Variants in THSD4 observed in about 807,000 individuals in gnomAD.
The protein encoded by THSD4 is thrombospondin type-1 domain-containing protein 4.
THSD4 carries 69 observed loss-of-function variants against 119.0 expected under a neutral mutation model. That is an observed-to-expected ratio of 0.58 (90% confidence interval 0.48 to 0.71). THSD4 has a LOEUF of 0.71. THSD4 is among the 30% of genes least tolerant of loss of function. The pLI, the probability that THSD4 is intolerant of heterozygous loss-of-function variation, is 0.00. For synonymous variants in THSD4, 524 were observed against 540.4 expected, an observed-to-expected ratio of 0.97 and a Z score of 0.42; for missense variants, 1,393 against 1,391.1, an observed-to-expected ratio of 1.00 and a Z score of -0.02.
At chr15:71,238,237 T>C (rs1419523071) in intron 4 of THSD4, among the ~76,000 whole-genome samples, 1 of 152,154 alleles carries the variant, frequency 6.6e-6, no homozygotes, top group Admixed American at 6.5e-5. Flanking sequence ...AAAAAATGCA[T>C]TTCTATCAGT....
intron 7 of THSD4, among the ~76,000 whole-genome samples, chr15:71,426,964 A>G (rs1205110643): frequency 6.6e-6 from 1 of 152,200 alleles, no homozygotes; most frequent in Non-Finnish European, 1.5e-5. Context: ...AGAAATAATC[A>G]TGAATAGGAT....
chr15:71,137,347 C>A (rs1421239111), intron 1 of THSD4, among the ~76,000 whole-genome samples: 1 of 152,126 alleles, frequency 6.6e-6, no homozygotes, highest in African/African-American at 2.4e-5. Context: ...CTGGCGCCAC[C>A]TTTCAGGGCC....
intron 3 of THSD4, among the ~76,000 whole-genome samples, chr15:71,204,401 G>A (rs1031553327): frequency 2.0e-5 from 3 of 152,204 alleles, no homozygotes; most frequent in Non-Finnish European, 4.4e-5. Flanking sequence ...TGTGCTCAGA[G>A]CCTCTTTGCT....
chr15:71,489,124 C>G lies in THSD4; in HGVS notation c.1152+77301C>G, dbSNP rs569117062. ...CATAGGAACAATATTCTCAGAGTTC[C>G]TGAATATTAAAAATTATTCTCCTGT... is the stretch of plus-strand genomic sequence containing the variant. On this transcript the variant is annotated intron_variant, in intron 7 of 17. Coordinates refer to ENST00000261862, the MANE Select transcript of THSD4 (RefSeq NM_024817.3). Among the ~76,000 whole-genome samples, 6 of 152,178 alleles carry G rather than the reference C, an allele frequency of 3.9e-5. No homozygotes were observed. The South Asian group carries it at 1.0e-3, about 26-fold the overall frequency.
chr15:71,431,984 A>G (rs2046948433), intron 7 of THSD4, among the ~76,000 whole-genome samples: 2 of 152,166 alleles, frequency 1.3e-5, no homozygotes, highest in Admixed American at 1.3e-4. Context: ...TTAACATCCA[A>G]GATGGAGTCA....
intron 6 of THSD4, among the ~76,000 whole-genome samples, chr15:71,378,299 C>T (rs2046178284): frequency 6.6e-6 from 1 of 152,168 alleles, no homozygotes; most frequent in African/African-American, 2.4e-5. Flanking sequence ...GATGCCTTCA[C>T]TATTCTTGTA....
At chr15:71,181,394 A>G (rs1406350679) in intron 3 of THSD4, among the ~76,000 whole-genome samples, 1 of 152,218 alleles carries the variant, frequency 6.6e-6, no homozygotes, top group Non-Finnish European at 1.5e-5. Flanking sequence ...AATAAGCTTA[A>G]AACTTTGTGT....
chr15:71,463,742 GTTA>G (rs1389320492), intron 7 of THSD4, among the ~76,000 whole-genome samples: 1 of 152,150 alleles, frequency 6.6e-6, no homozygotes, highest in Non-Finnish European at 1.5e-5. Context: ...TCTTACAAGT[GTTA>G]TTATCCTGAT....
At chr15:71,752,110 C>CT (rs1388754628) in intron 14 of THSD4, among the ~76,000 whole-genome samples, 1 of 152,156 alleles carries the variant, frequency 6.6e-6, no homozygotes, top group East Asian at 1.9e-4. Context: ...AATTCCATGT[C>CT]TCTACATTTG....
chr15:71,572,876 C>T (rs897148560), intron 7 of THSD4, among the ~76,000 whole-genome samples: 2 of 152,020 alleles, frequency 1.3e-5, no homozygotes, highest in Non-Finnish European at 2.9e-5. Flanking sequence ...AGAAAGGGAG[C>T]CTGGCAGGGT....
chr15:71,619,484 G>A (rs1443483004), intron 7 of THSD4, among the ~76,000 whole-genome samples: 1 of 152,142 alleles, frequency 6.6e-6, no homozygotes, highest in African/African-American at 2.4e-5. Flanking sequence ...AGTTACGTTT[G>A]AGCAAATTTG....
Position 71,097,730 on chromosome 15 carries a change from T to TATA in THSD4, c.-80+724_-80+725insATA, listed in dbSNP as rs1567126097. 5.4e-3 allele frequency among the ~76,000 whole-genome samples: 645 copies of TATA among 118,882 alleles called. 2 individuals are homozygous for TATA. The highest frequency in any genetic ancestry group is 0.024 in the Middle Eastern group (6 of 248). The allele number at this position is 118,882 out of a possible 152,430, so 78.0% of individuals were successfully genotyped here. On this transcript the variant is annotated intron_variant, in intron 1 of 17. Coordinates refer to the THSD4 transcript ENST00000355327. Reference sequence around the variant, plus strand: ...GATGTATATATATATATATATATATTTTTTTTTTTAAGTCCAAAGCAAACT... The same window carrying TATA: ...GATGTATATATATATATATATATATTATATTTTTTTTTAAGTCCAAAGCAAACT...
At chr15:71,224,343 G>A (rs1195738112) in intron 4 of THSD4, among the ~76,000 whole-genome samples, 1 of 152,186 alleles carries the variant, frequency 6.6e-6, no homozygotes, top group Non-Finnish European at 1.5e-5. Context: ...GAGTAAGACA[G>A]TCCCTATAAA....
At chr15:71,619,885 C>T (rs1002060911) in intron 7 of THSD4, among the ~76,000 whole-genome samples, 3 of 152,182 alleles carry the variant, frequency 2.0e-5, no homozygotes, top group African/African-American at 7.2e-5. Flanking sequence ...CGTTGTTTAA[C>T]TATTTCTTAA....
chr15:71,234,398 C>T (rs201241920), intron 4 of THSD4, among the ~76,000 whole-genome samples: 1 of 152,136 alleles, frequency 6.6e-6, no homozygotes, highest in African/African-American at 2.4e-5. Flanking sequence ...CTCCACCTCC[C>T]GGTTCAAGCA....
At chr15:71,461,138 G>A (rs574913711) in intron 7 of THSD4, among the ~76,000 whole-genome samples, 1 of 152,270 alleles carries the variant, frequency 6.6e-6, no homozygotes, top group African/African-American at 2.4e-5. Flanking sequence ...ATGTTAGTTG[G>A]GTCTGCAGTC....
intron 7 of THSD4, among the ~76,000 whole-genome samples, chr15:71,621,691 T>C (rs2050421242): frequency 6.6e-6 from 1 of 152,248 alleles, no homozygotes; most frequent in African/African-American, 2.4e-5. Context: ...TCATATTCAT[T>C]GATGGCTGAA....
At chr15:71,613,136 A>G (rs1465794968) in intron 7 of THSD4, among the ~76,000 whole-genome samples, 1 of 152,118 alleles carries the variant, frequency 6.6e-6, no homozygotes, top group Non-Finnish European at 1.5e-5. Flanking sequence ...AGGTGGTGAA[A>G]AGCAGCCTCT....
At chr15:71,245,293 T>C (rs2044190353) in intron 5 of THSD4, among the ~76,000 whole-genome samples, 1 of 152,134 alleles carries the variant, frequency 6.6e-6, no homozygotes, top group African/African-American at 2.4e-5. Context: ...CTTACCCTTA[T>C]TGAGAGATGT....
Sources: allele counts gnomAD v4.1 joint callset (sites outside exome capture counted in the v4.1 genomes callset), GRCh38; gene constraint gnomAD v4.1.1; transcripts MANE v1.5; gene names NCBI Gene and HGNC (gene_info 2026-07-23, HGNC 2026-07-21).